Variants in CSMD2 observed in about 807,000 individuals in gnomAD.
CSMD2 encodes the protein CUB and sushi domain-containing protein 2.
CSMD2 carries 130 observed loss-of-function variants against 398.5 expected under a neutral mutation model. The observed-to-expected ratio is 0.33, with a 90% confidence interval of 0.28 to 0.38. The LOEUF is 0.38. Ranked by LOEUF, CSMD2 falls within the 10% of genes least tolerant of loss-of-function variation. The probability of loss-of-function intolerance (pLI) is 1.00; values close to 1 mark genes in which losing one functional copy is unlikely to be tolerated. For synonymous variants in CSMD2, 1,828 were observed against 1,908.5 expected, an observed-to-expected ratio of 0.96 and a Z score of 1.10; for missense variants, 3,829 against 4,764.9, an observed-to-expected ratio of 0.80 and a Z score of 5.78.
chr1:33,728,992 A>C (rs1259410670), intron 15 of CSMD2, among the ~76,000 whole-genome samples: 3 of 144,234 alleles, frequency 2.1e-5, no homozygotes, highest in Non-Finnish European at 4.4e-5. Flanking sequence ...AGGTGGACAC[A>C]TGAGACCTTA....
intron 3 of CSMD2, among the ~76,000 whole-genome samples, chr1:33,977,616 C>T (rs1172895838): frequency 6.6e-6 from 1 of 151,986 alleles, no homozygotes; most frequent in Non-Finnish European, 1.5e-5. Context: ...CACTGCACCT[C>T]CCCATCCTTT....
At chr1:33,708,549 G>T (rs1194333871) in intron 22 of CSMD2, among the ~76,000 whole-genome samples, 1 of 151,106 alleles carries the variant, frequency 6.6e-6, no homozygotes, top group Non-Finnish European at 1.5e-5. Context: ...GACGGTCAGG[G>T]CTCAAAATGG....
chr1:33,654,987 G>A (rs1643904526), intron 27 of CSMD2, among the ~76,000 whole-genome samples: 1 of 152,256 alleles, frequency 6.6e-6, no homozygotes, highest in Non-Finnish European at 1.5e-5. Flanking sequence ...ATGGCATCGG[G>A]CATGGGCTTC....
intron 1 of CSMD2, among the ~76,000 whole-genome samples, chr1:34,116,959 A>AG (rs1262173435): frequency 2.6e-5 from 4 of 152,106 alleles, no homozygotes; most frequent in African/African-American, 9.7e-5. Context: ...ATAAAGATAA[A>AG]GCATGCCAAA....
chr1:34,134,138 A>T (rs77030104), intron 1 of CSMD2, among the ~76,000 whole-genome samples: 2 of 150,704 alleles, frequency 1.3e-5, no homozygotes, highest in Non-Finnish European at 2.9e-5. Flanking sequence ...GTGTGCTGTG[A>T]TGCCTCATGC....
At chr1:33,574,491 T>C (rs1659889885) in intron 49 of CSMD2, among the ~76,000 whole-genome samples, 1 of 152,208 alleles carries the variant, frequency 6.6e-6, no homozygotes, top group Non-Finnish European at 1.5e-5. Flanking sequence ...ACTGCCTCCA[T>C]CCACTATCCC....
chr1:33,527,991 C>T (rs1364919804), intron 64 of CSMD2, among the ~76,000 whole-genome samples: 2 of 151,238 alleles, frequency 1.3e-5, no homozygotes, highest in Non-Finnish European at 2.9e-5. Context: ...GCTTTTCTTC[C>T]AGATGCCTCG....
Position 33,515,071 on chromosome 1 carries a change from C to G in CSMD2, c.*1553G>C, listed in dbSNP as rs1468152043. On this transcript the variant is annotated 3_prime_UTR_variant, in exon 71 of 71. Transcript: ENST00000373381. ...CTTCCCGAGGACAGAGAAAGTGGCCCTAAATGCTATACTTTGATTCCTAAA... is the reference window on the plus strand; with the variant it reads ...CTTCCCGAGGACAGAGAAAGTGGCCGTAAATGCTATACTTTGATTCCTAAA... 1 of 152,228 alleles carries G rather than the reference C, an allele frequency of 6.6e-6. No individual in the cohort carries two copies. Among genetic ancestry groups the G allele is most frequent in the African/African-American group, 2.4e-5 (1 of 41,438 alleles). The allele number at this position is 152,228 out of a possible 1,614,324, so 9.4% of individuals were successfully genotyped here. A position where few individuals can be genotyped will look rare whatever the true frequency, so the allele number is the denominator to read the frequency against.
rs1641666881 is a variant in CSMD2 at position 34,164,394 on chromosome 1, G to C, written c.187+517C>G. Among the ~76,000 whole-genome samples the C allele has an allele frequency of 6.6e-6, 1 of 152,056 alleles. No homozygotes were observed. Among genetic ancestry groups the C allele is most frequent in the African/African-American group, 2.4e-5 (1 of 41,412 alleles). On this transcript the variant is annotated intron_variant, in intron 1 of 70. Coordinates refer to ENST00000373381, the MANE Select transcript of CSMD2 (RefSeq NM_001281956.2). The surrounding 1 kb of genome is among the most constrained non-coding windows in gnomAD (Gnocchi z 6.2). ...GCAGTCTGCAGTCGGTTCCAGAGGG[G>C]GCACCGGTTTCAATTGGAGAAAATG...
intron 1 of CSMD2, among the ~76,000 whole-genome samples, chr1:34,111,151 C>T (rs1412711439): frequency 6.6e-6 from 1 of 152,354 alleles, no homozygotes; most frequent in Admixed American, 6.5e-5. Flanking sequence ...AGAACAGTAA[C>T]TGGCACATAG....
intron 3 of CSMD2, among the ~76,000 whole-genome samples, chr1:34,028,977 T>A (rs1298356448): frequency 6.6e-6 from 1 of 152,200 alleles, no homozygotes; most frequent in Non-Finnish European, 1.5e-5. Flanking sequence ...TTCAGTTCCT[T>A]ATCTATACTT....
In CSMD2 at chr1:33,554,318, C is replaced by T. The variant is rs1199892640; in HGVS notation, c.8743+3416G>A. Among the ~76,000 whole-genome samples the T allele has an allele frequency of 2.0e-5, 3 of 151,690 alleles. No individual in the cohort carries two copies. The East Asian group carries it at 5.8e-4, about 30-fold the overall frequency. ...AAGCAATTCCCCTGCCTCAGCCTCCCGAGTAGCTGGGACTACAGGTGCACA... is the reference window on the plus strand; with the variant it reads ...AAGCAATTCCCCTGCCTCAGCCTCCTGAGTAGCTGGGACTACAGGTGCACA... On this transcript the variant is annotated intron_variant, in intron 55 of 70. Transcript: ENST00000373381.
intron 10 of CSMD2, among the ~76,000 whole-genome samples, chr1:33,800,753 G>C (rs1432515629): frequency 6.6e-6 from 1 of 152,136 alleles, no homozygotes; most frequent in Non-Finnish European, 1.5e-5. Flanking sequence ...GATACCACAT[G>C]GCCACAGCCA....
At chr1:33,610,935 C>T (rs369416090) in intron 41 of CSMD2, 106 bp downstream of exon 41, 1 of 1,108,142 alleles carries the variant, frequency 9.0e-7, no homozygotes. Context: ...GCAACCCACC[C>T]CTTATGGTGT....
chr1:34,137,463 T>A (rs961012206), intron 1 of CSMD2, among the ~76,000 whole-genome samples: 1 of 152,216 alleles, frequency 6.6e-6, no homozygotes, highest in African/African-American at 2.4e-5. Context: ...CTGGGACTTC[T>A]AGCTACCAGT....
chr1:34,066,236 A>T (rs1400213115), intron 2 of CSMD2, among the ~76,000 whole-genome samples: 1 of 152,176 alleles, frequency 6.6e-6, no homozygotes, highest in Non-Finnish European at 1.5e-5. Context: ...CACACATACT[A>T]ATATATACAC....
At chr1:33,735,020 C>T (rs1306230576) in intron 15 of CSMD2, among the ~76,000 whole-genome samples, 1 of 152,148 alleles carries the variant, frequency 6.6e-6, no homozygotes, top group African/African-American at 2.4e-5. Context: ...TCTTCTTTGT[C>T]TTATGCATTA....
At chr1:33,938,840 TA>T (rs1388699265) in intron 3 of CSMD2, among the ~76,000 whole-genome samples, 1 of 151,244 alleles carries the variant, frequency 6.6e-6, no homozygotes, top group Admixed American at 6.6e-5. Flanking sequence ...GCATTTCCCA[TA>T]ATCTCCTGCC....
chr1:33,575,430 T>A (rs6701135), intron 49 of CSMD2, among the ~76,000 whole-genome samples: 9,414 of 152,128 alleles, frequency 0.062, 978 homozygotes, highest in African/African-American at 0.21. Context: ...AGCCATGGTC[T>A]CCATGGAGGG....
Sources: gnomAD v4.1 joint callset for allele counts (sites outside exome capture counted in the v4.1 genomes callset) on GRCh38, gnomAD v4.1.1 for gene constraint, Gnocchi (gnomAD v3.1) non-coding constraint, MANE v1.5 for transcripts, NCBI Gene and HGNC (gene_info 2026-07-23, HGNC 2026-07-21) for gene names.